ETS1: variants seen among roughly 807,000 people sequenced by gnomAD.
ETS1 encodes the protein protein C-ets-1.
In ETS1, 15 loss-of-function variants were observed where a neutral mutation model predicts 58.6. That is an observed-to-expected ratio of 0.26 (90% CI 0.17 to 0.39). ETS1 has a LOEUF of 0.39. ETS1 is among the 10% of genes least tolerant of loss of function. The pLI is 1.00. For synonymous variants in ETS1, 214 were observed against 218.2 expected (o/e 0.98, Z 0.17); for missense variants, 417 against 610.5 (o/e 0.68, Z 3.34).
At chr11:128,547,441 G>A (rs1410118381) in intron 3 of ETS1, among the ~76,000 whole-genome samples, 1 of 152,186 alleles carries the variant, frequency 6.6e-6, no homozygotes, top group Non-Finnish European at 1.5e-5. Flanking sequence ...TCTAAGACAT[G>A]GCAGAAAGTT....
At position 128,576,509 on chromosome 11, in the gene ETS1, G is replaced by A. The variant is rs370745525; in HGVS notation, c.-14-3365C>T. On this transcript the variant is annotated intron_variant, in intron 1 of 9. Coordinates refer to ENST00000392668, the MANE Select transcript of ETS1 (RefSeq NM_001143820.2). ...GGCATCTGAAGATTTACTCCCCAGC[G>A]AAGAAGCATCCATGAGACCTGTTTG... 1.8e-4 allele frequency among the ~76,000 whole-genome samples: 27 copies of A among 152,152 alleles called. No individual in the cohort carries two copies. In the East Asian group the frequency reaches 4.1e-3, roughly 23 times the overall value.
intron 3 of ETS1, among the ~76,000 whole-genome samples, chr11:128,520,824 A>G (rs1031066061): frequency 1.3e-5 from 2 of 152,252 alleles, no homozygotes; most frequent in African/African-American, 4.8e-5. Context: ...AGCGTAAGAA[A>G]GGGTTAAAGT....
At chr11:128,579,217 C>T (rs977575838) in intron 1 of ETS1, among the ~76,000 whole-genome samples, 2 of 152,168 alleles carry the variant, frequency 1.3e-5, no homozygotes, top group African/African-American at 4.8e-5. Context: ...TTTCTCCCCA[C>T]CACCCCTCAC....
chr11:128,472,091 T>C (rs776860063), intron 8 of ETS1, among the ~76,000 whole-genome samples: 1 of 152,220 alleles, frequency 6.6e-6, no homozygotes, highest in Non-Finnish European at 1.5e-5. Flanking sequence ...AACAACTGCA[T>C]GGAGGTAGCG....
At chr11:128,477,166 T>C (rs1170336853) in intron 8 of ETS1, among the ~76,000 whole-genome samples, 1 of 152,216 alleles carries the variant, frequency 6.6e-6, no homozygotes, top group African/African-American at 2.4e-5. Context: ...TCTTCCCAGC[T>C]TGGAGAATCT....
chr11:128,562,908 G>A lies in ETS1; in HGVS notation c.70-6473C>T, dbSNP rs1004285195. Among the ~76,000 whole-genome samples the A allele has an allele frequency of 1.1e-4, 16 of 150,608 alleles. No homozygotes were observed. In the East Asian group the frequency reaches 2.3e-3, roughly 22 times the overall value. On this transcript the variant is annotated intron_variant, in intron 2 of 9. Coordinates refer to ENST00000392668, the MANE Select transcript of ETS1 (RefSeq NM_001143820.2). Reference sequence around the variant, plus strand: ...CCCCTCCAGCCAGCCACATCTTAAAGCCATTCCTTTTGCTCATAGCTTTCC... The same window carrying A: ...CCCCTCCAGCCAGCCACATCTTAAAACCATTCCTTTTGCTCATAGCTTTCC...
intron 3 of ETS1, among the ~76,000 whole-genome samples, chr11:128,525,029 G>A: frequency 1.3e-5 from 2 of 148,962 alleles, no homozygotes; most frequent in African/African-American, 2.5e-5. Flanking sequence ...AGGCACTCAG[G>A]AAAAAAAAAA....
intron 2 of ETS1, among the ~76,000 whole-genome samples, chr11:128,557,581 AC>A (rs1289032157): frequency 6.6e-6 from 1 of 152,218 alleles, no homozygotes; most frequent in African/African-American, 2.4e-5. Context: ...AAACTAAGAC[AC>A]AAAAGGAAAA....
intron 8 of ETS1, among the ~76,000 whole-genome samples, 157 bp downstream of exon 8, chr11:128,480,034 T>C (rs1269297934): frequency 6.6e-6 from 1 of 151,916 alleles, no homozygotes; most frequent in Non-Finnish European, 1.5e-5. Context: ...GCAGAGTGGC[T>C]GGAGAGAGAC....
chr11:128,501,885 G>C (rs745324726), intron 3 of ETS1, among the ~76,000 whole-genome samples: 5 of 152,320 alleles, frequency 3.3e-5, no homozygotes, highest in Non-Finnish European at 5.9e-5. Context: ...TGTGGAGCCA[G>C]TTCTCCCCTC....
chr11:128,563,602 T>G (rs775100732), intron 2 of ETS1, among the ~76,000 whole-genome samples: 1 of 152,200 alleles, frequency 6.6e-6, no homozygotes, highest in Non-Finnish European at 1.5e-5. Flanking sequence ...ACCTTACGAC[T>G]GACAACCTTC....
intron 3 of ETS1, among the ~76,000 whole-genome samples, chr11:128,542,233 A>G (rs1279317652): frequency 1.3e-5 from 2 of 152,184 alleles, no homozygotes; most frequent in East Asian, 3.8e-4. Flanking sequence ...CAGGAATTTT[A>G]TATATAACCA....
At chr11:128,542,842 C>T (rs993444741) in intron 3 of ETS1, among the ~76,000 whole-genome samples, 1 of 152,100 alleles carries the variant, frequency 6.6e-6, no homozygotes, top group Non-Finnish European at 1.5e-5. Context: ...AGTGATGACA[C>T]CAAAATGCCT....
Position 128,462,004 on chromosome 11 carries a change from A to G in ETS1, c.*357T>C, listed in dbSNP as rs1861917213. ...TCATGAGTTCTGATGTGACAATGTC[A>G]CTTGCTAATGGGTCCACAACTCAAG... On this transcript the variant is annotated 3_prime_UTR_variant, in exon 10 of 10. Transcript: ENST00000392668. 1 of 188,796 alleles carries G rather than the reference A, an allele frequency of 5.3e-6. No homozygotes were observed. The highest frequency in any genetic ancestry group is 2.3e-5 in the African/African-American group (1 of 43,044). 11.7% of individuals were successfully genotyped at this position (188,796 alleles called of 1,614,324 possible).
Position 128,556,382 on chromosome 11 carries a change from C to A in ETS1, c.123G>T (p.Gln41His). Reference protein sequence around the residue: ...YEDPRMNCGFQSNYHQQRPCY... With the variant: ...YEDPRMNCGFHSNYHQQRPCY... ...AAGGTCTTTGCTGGTGATAATTGGA[C>A]TGGAAACCACAGTTCATTCGAGGAT... The change falls in exon 3 of 10, where the codon CAG becomes CAT. Residue 41 changes from glutamine to histidine, a missense_variant. Gln to His is a conservative substitution (Grantham distance 24, BLOSUM62 0). Transcript: ENST00000392668. The A allele has an allele frequency of 6.2e-7, 1 of 1,613,436 alleles. No individual in the cohort carries two copies. The highest frequency in any genetic ancestry group is 1.3e-5 in the African/African-American group (1 of 75,040).
chr11:128,468,176 G>C (rs1038405942), intron 8 of ETS1, among the ~76,000 whole-genome samples: 6 of 152,138 alleles, frequency 3.9e-5, no homozygotes, highest in Non-Finnish European at 7.3e-5. Flanking sequence ...GACCCCCAAG[G>C]CTCCTCAAAT....
chr11:128,478,872 T>C (rs1220313902), intron 8 of ETS1, among the ~76,000 whole-genome samples: 1 of 152,132 alleles, frequency 6.6e-6, no homozygotes, highest in Admixed American at 6.5e-5. Context: ...CCTTGAAAAG[T>C]ACTAAGTTCC....
At position 128,565,150 on chromosome 11, in the gene ETS1, C is replaced by T. The variant is rs1023293460; in HGVS notation, c.69+7912G>A. Reference sequence around the variant, plus strand: ...ACACCAATGTGATAATATTAACAGGCGGAGGCATTATGAGGTGAGTAAGTT... The same window carrying T: ...ACACCAATGTGATAATATTAACAGGTGGAGGCATTATGAGGTGAGTAAGTT... On this transcript the variant is annotated intron_variant, in intron 2 of 9. Coordinates refer to ENST00000392668, the MANE Select transcript of ETS1 (RefSeq NM_001143820.2). 5.9e-5 allele frequency among the ~76,000 whole-genome samples: 9 copies of T among 152,092 alleles called. No homozygotes were observed. In the East Asian group the frequency reaches 9.6e-4, roughly 16 times the overall value.
intron 2 of ETS1, among the ~76,000 whole-genome samples, chr11:128,557,734 ACT>A (rs1297846570): frequency 6.6e-6 from 1 of 152,094 alleles, no homozygotes; most frequent in African/African-American, 2.4e-5. Flanking sequence ...AGGAAACCAA[ACT>A]CTGCTAGAAT....
Sources: gnomAD v4.1 joint callset for allele counts (sites outside exome capture counted in the v4.1 genomes callset) on GRCh38, gnomAD v4.1.1 for gene constraint, MANE v1.5 for transcripts, NCBI Gene and HGNC (gene_info 2026-07-23, HGNC 2026-07-21) for gene names.